Variants in MTUS2 observed in about 807,000 individuals in gnomAD.
MTUS2 encodes the protein microtubule-associated tumor suppressor candidate 2.
MTUS2 carries 40 observed loss-of-function variants against 114.1 expected under a neutral mutation model. The ratio of observed to expected loss-of-function variants is 0.35; its 90% confidence interval spans 0.27 to 0.46. The LOEUF is 0.46. MTUS2 is among the 20% of genes least tolerant of loss of function. The pLI is 1.00. For synonymous variants in MTUS2, 688 were observed against 672.0 expected (o/e 1.02, Z -0.37); for missense variants, 1,679 against 1,705.4 (o/e 0.98, Z 0.27).
rs564872253 is a variant in MTUS2 at position 29,039,153 on chromosome 13, T to C, written c.2446+5028T>C. On this transcript the variant is annotated intron_variant, in intron 4 of 15. Transcript: ENST00000612955. ...AGGACTTTGTAGCGGTCCTTGACCT[T>C]GGAGCGGAGGACGGGCCTGGACCGC... Among the ~76,000 whole-genome samples, 21 of 152,292 alleles carry C rather than the reference T, an allele frequency of 1.4e-4. 1 individual carries two copies. Among genetic ancestry groups the C allele is most frequent in the African/African-American group, 4.8e-4 (20 of 41,568 alleles).
intron 8 of MTUS2, among the ~76,000 whole-genome samples, chr13:29,433,362 G>A (rs1326699305): frequency 6.6e-6 from 1 of 152,208 alleles, no homozygotes; most frequent in Non-Finnish European, 1.5e-5. Context: ...TAAATGGGAA[G>A]GATACTTTGT....
chr13:28,834,351 G>T (rs1267549642), intron 1 of MTUS2, among the ~76,000 whole-genome samples: 1 of 152,110 alleles, frequency 6.6e-6, no homozygotes, highest in African/African-American at 2.4e-5. Context: ...GTATAAAATT[G>T]ATCCATAAGG....
intron 5 of MTUS2, among the ~76,000 whole-genome samples, chr13:29,259,403 A>G (rs1454873665): frequency 6.6e-5 from 10 of 152,238 alleles, no homozygotes; most frequent in Non-Finnish European, 1.3e-4. Context: ...TATCAGAGTC[A>G]TAAAATTCAG....
At chr13:29,469,098 G>A (rs1014526947) in intron 9 of MTUS2, among the ~76,000 whole-genome samples, 14 of 152,180 alleles carry the variant, frequency 9.2e-5, no homozygotes, top group African/African-American at 3.1e-4. Flanking sequence ...CTCGTTTGAC[G>A]GATGAGAATG....
At chr13:29,141,892 C>T (rs544444363) in intron 5 of MTUS2, among the ~76,000 whole-genome samples, 83 of 148,840 alleles carry the variant, frequency 5.6e-4, no homozygotes, top group African/African-American at 2.0e-3. Context: ...TGGACTCTCA[C>T]GCTGTTGCCC....
At chr13:29,362,139 G>A (rs767722513) in intron 8 of MTUS2, among the ~76,000 whole-genome samples, 14 of 152,210 alleles carry the variant, frequency 9.2e-5, no homozygotes, top group Admixed American at 2.6e-4. Context: ...TTGTGAGAAT[G>A]TAGTGAATTA....
At chr13:29,368,800 C>G (rs1000471459) in intron 8 of MTUS2, among the ~76,000 whole-genome samples, 4 of 147,494 alleles carry the variant, frequency 2.7e-5, no homozygotes, top group African/African-American at 1.0e-4. Context: ...AAGGGAGGCT[C>G]TAGAGAAGCA....
intron 5 of MTUS2, among the ~76,000 whole-genome samples, chr13:29,257,911 G>A (rs1003899006): frequency 6.6e-6 from 1 of 152,170 alleles, no homozygotes; most frequent in African/African-American, 2.4e-5. Flanking sequence ...AAGAGTCCAT[G>A]AGCCACTGGG....
chr13:28,957,918 A>T (rs1883147829), intron 2 of MTUS2, among the ~76,000 whole-genome samples: 2 of 152,306 alleles, frequency 1.3e-5, no homozygotes, highest in South Asian at 4.1e-4. Flanking sequence ...ATGTTTTGTG[A>T]TAGGCATGGG....
chr13:29,015,816 GT>G lies in MTUS2; in HGVS notation c.-242-8639del, dbSNP rs149853170. The stretch of plus-strand genomic sequence containing the variant: ...ATGACATGCAAAGTGAAAAATTGGG[GT>G]TATAGAACTCATTCCATGTGTATAA... On this transcript the variant is annotated intron_variant, in intron 2 of 15. Coordinates refer to ENST00000612955, the MANE Select transcript of MTUS2 (RefSeq NM_001033602.4). 4.7e-3 allele frequency among the ~76,000 whole-genome samples: 716 copies of G among 152,076 alleles called. 5 individuals are homozygous for G. The highest frequency in any genetic ancestry group is 0.017 in the African/African-American group (696 of 41,484).
intron 5 of MTUS2, among the ~76,000 whole-genome samples, chr13:29,226,115 T>C (rs1413468330): frequency 2.0e-5 from 3 of 152,168 alleles, no homozygotes; most frequent in Non-Finnish European, 2.9e-5. Flanking sequence ...CACCCAACCT[T>C]AAACCATGCC....
chr13:29,356,821 T>A (rs954082619), intron 7 of MTUS2, among the ~76,000 whole-genome samples: 4 of 152,196 alleles, frequency 2.6e-5, no homozygotes, highest in Non-Finnish European at 5.9e-5. Context: ...TTAGCACTGG[T>A]GCCGGAGCCT....
chr13:29,219,762 A>G (rs1895831273), intron 5 of MTUS2, among the ~76,000 whole-genome samples: 1 of 152,098 alleles, frequency 6.6e-6, no homozygotes, highest in African/African-American at 2.4e-5. Flanking sequence ...TTCACCTTTT[A>G]CTTTAATGTT....
intron 5 of MTUS2, among the ~76,000 whole-genome samples, chr13:29,273,159 T>C (rs1276514773): frequency 2.0e-5 from 3 of 152,142 alleles, no homozygotes; most frequent in South Asian, 2.1e-4. Context: ...ATAACAGTAA[T>C]GTAGGACCAG....
chr13:28,955,775 A>G (rs1883031655), intron 2 of MTUS2, among the ~76,000 whole-genome samples: 1 of 151,950 alleles, frequency 6.6e-6, no homozygotes, highest in Non-Finnish European at 1.5e-5. Flanking sequence ...ACCTGGCACC[A>G]GGGAGAAGTG....
chr13:29,053,465 T>C (rs770270787), intron 4 of MTUS2, among the ~76,000 whole-genome samples: 1 of 152,168 alleles, frequency 6.6e-6, no homozygotes, highest in Non-Finnish European at 1.5e-5. Context: ...AATAGGAAGG[T>C]TCCAGTTTGG....
At chr13:29,440,331 C>T (rs149580613) in intron 9 of MTUS2, among the ~76,000 whole-genome samples, 172 of 152,328 alleles carry the variant, frequency 1.1e-3, no homozygotes, top group African/African-American at 3.9e-3. Flanking sequence ...TCAGTCTGCA[C>T]TGATCTATCT....
chr13:29,431,540 G>A (rs918607562), intron 8 of MTUS2, among the ~76,000 whole-genome samples: 3 of 152,146 alleles, frequency 2.0e-5, no homozygotes, highest in African/African-American at 4.8e-5. Context: ...AAAGTTATGC[G>A]GTACTGACCA....
At chr13:28,877,484 A>G (rs532135350) in intron 2 of MTUS2, among the ~76,000 whole-genome samples, 177 of 152,332 alleles carry the variant, frequency 1.2e-3, no homozygotes, top group African/African-American at 4.1e-3. Context: ...GAAAACTAAG[A>G]AAGGAAATCT....
Sources: gnomAD v4.1 joint callset for allele counts (sites outside exome capture counted in the v4.1 genomes callset) on GRCh38, gnomAD v4.1.1 for gene constraint, MANE v1.5 for transcripts, NCBI Gene and HGNC (gene_info 2026-07-23, HGNC 2026-07-21) for gene names.